The following NRG3 variants were observed in gnomAD, a reference collection of about 807,000 sequenced individuals.
NRG3 encodes the protein neuregulin 3, also known as pro-neuregulin-3, membrane-bound isoform.
A neutral mutation model predicts 66.9 loss-of-function variants in NRG3; 31 were observed. That is an observed-to-expected ratio of 0.46 (90% CI 0.35 to 0.63). The LOEUF is 0.63. Ranked by LOEUF, NRG3 falls within the 20% of genes least tolerant of loss-of-function variation. The pLI is 0.00. For missense variants in NRG3, 910 were observed against 878.9 expected, an observed-to-expected ratio of 1.04 and a Z score of -0.45; for synonymous variants, 393 against 359.4, an observed-to-expected ratio of 1.09 and a Z score of -1.06.
At chr10:82,307,002 T>A (rs2080774457) in intron 1 of NRG3, among the ~76,000 whole-genome samples, 1 of 152,156 alleles carries the variant, frequency 6.6e-6, no homozygotes, top group African/African-American at 2.4e-5. Context: ...CTTAATTTTT[T>A]AAATTCCTAG....
chr10:82,426,198 C>G (rs1447427046), intron 2 of NRG3, among the ~76,000 whole-genome samples: 3 of 152,126 alleles, frequency 2.0e-5, no homozygotes, highest in Admixed American at 6.6e-5. Flanking sequence ...GTTTTTCTCC[C>G]ATCTTCACTC....
intron 2 of NRG3, among the ~76,000 whole-genome samples, chr10:82,629,279 T>A (rs1222482594): frequency 6.6e-6 from 1 of 152,194 alleles, no homozygotes. Flanking sequence ...CATTAAGGGA[T>A]TCAAATACCT....
chr10:82,865,369 T>C, intron 3 of NRG3, 42 bp from the exon 4 acceptor site: 1 of 1,610,288 alleles, frequency 6.2e-7, no homozygotes, highest in South Asian at 1.1e-5. Context: ...AACCTTTTTC[T>C]CTTTTTCTCT....
chr10:82,746,713 A>G (rs1232183887), intron 3 of NRG3, among the ~76,000 whole-genome samples: 1 of 152,156 alleles, frequency 6.6e-6, no homozygotes, highest in Non-Finnish European at 1.5e-5. Context: ...TATTCATTAT[A>G]TTGACATCTT....
intron 4 of NRG3, among the ~76,000 whole-genome samples, chr10:82,892,344 G>C (rs758251092): frequency 3.9e-5 from 6 of 152,040 alleles, no homozygotes; most frequent in Non-Finnish European, 8.8e-5. Flanking sequence ...GGGCACAAGA[G>C]ATTCAAAGAG....
intron 2 of NRG3, among the ~76,000 whole-genome samples, chr10:82,526,630 G>A (rs1463793075): frequency 1.3e-5 from 2 of 151,850 alleles, no homozygotes; most frequent in Non-Finnish European, 2.9e-5. Context: ...TAGCCACAAA[G>A]CATTACTGGT....
intron 1 of NRG3, among the ~76,000 whole-genome samples, chr10:82,143,893 G>A (rs1267640397): frequency 1.3e-5 from 2 of 151,980 alleles, no homozygotes; most frequent in Non-Finnish European, 2.9e-5. Context: ...AGCAGGGCAT[G>A]GTGGTGCACA....
chr10:81,918,472 T>G (rs995745794), intron 1 of NRG3, among the ~76,000 whole-genome samples: 4 of 152,186 alleles, frequency 2.6e-5, no homozygotes, highest in Admixed American at 6.5e-5. Context: ...TTTTATCACG[T>G]ACAAAAGAAA....
chr10:82,897,906 G>T (rs976106230), intron 4 of NRG3, among the ~76,000 whole-genome samples: 4 of 152,164 alleles, frequency 2.6e-5, no homozygotes, highest in Non-Finnish European at 5.9e-5. Flanking sequence ...GTAGGTTAAA[G>T]ATACTGTAAT....
chr10:82,050,675 G>T (rs1467552474), intron 1 of NRG3, among the ~76,000 whole-genome samples: 2 of 151,692 alleles, frequency 1.3e-5, no homozygotes, highest in South Asian at 2.1e-4. Flanking sequence ...AGACATTTTG[G>T]TGGAAAGTGG....
At chr10:82,054,279 G>A (rs2063732637) in intron 1 of NRG3, among the ~76,000 whole-genome samples, 1 of 152,172 alleles carries the variant, frequency 6.6e-6, no homozygotes, top group Admixed American at 6.5e-5. Context: ...GAGAAATGAT[G>A]ACAGCTTAGA....
intron 4 of NRG3, among the ~76,000 whole-genome samples, chr10:82,921,484 G>A (rs1846417248): frequency 6.6e-6 from 1 of 152,132 alleles, no homozygotes; most frequent in Non-Finnish European, 1.5e-5. Context: ...CATTCATTGT[G>A]ACGAACGTAC....
chr10:82,304,385 A>G (rs1197280171), intron 1 of NRG3, among the ~76,000 whole-genome samples: 1 of 152,202 alleles, frequency 6.6e-6, no homozygotes, highest in Non-Finnish European at 1.5e-5. Context: ...TTAGAAACAT[A>G]AACTCTTTGC....
chr10:82,786,804 A>C (rs574035405), intron 3 of NRG3, among the ~76,000 whole-genome samples: 1 of 152,272 alleles, frequency 6.6e-6, no homozygotes, highest in South Asian at 2.1e-4. Context: ...CTCTGCTTTC[A>C]CGAGTAGGTT....
rs538618071 is a variant in NRG3 at position 82,724,791 on chromosome 10, T to A, written c.954-13786T>A. Among the ~76,000 whole-genome samples the A allele has an allele frequency of 1.3e-3, 203 of 152,316 alleles. 1 individual carries two copies. The highest frequency in any genetic ancestry group is 2.0e-3 in the Non-Finnish European group (136 of 68,026). The stretch of plus-strand genomic sequence containing the variant: ...AAGCATGCTGAGTGGTTTTATCAGT[T>A]GTTTGCTAATGAGCTCTGTCTCTCC... On this transcript the variant is annotated intron_variant, in intron 2 of 8. Coordinates refer to ENST00000372141, the MANE Select transcript of NRG3 (RefSeq NM_001010848.4).
chr10:82,391,993 C>CAAAAAAAAA (rs775895969), intron 2 of NRG3, among the ~76,000 whole-genome samples: 4 of 38,844 alleles, frequency 1.0e-4, no homozygotes, highest in South Asian at 8.3e-4. Flanking sequence ...CGAGCACATG[C>CAAAAAAAAA]AAAAAAAAAA....
At chr10:82,753,942 T>A (rs11195820) in intron 3 of NRG3, among the ~76,000 whole-genome samples, 3,650 of 137,002 alleles carry the variant, frequency 0.027, 75 homozygotes, top group Non-Finnish European at 0.038. Flanking sequence ...TGAGACTCCA[T>A]CTCAAAAAAA....
chr10:82,985,307 T>A lies in NRG3; in HGVS notation c.1793T>A (p.Ile598Asn). The change falls in exon 9 of 9, where the codon ATC (isoleucine) becomes AAC (asparagine). Residue 598 changes from isoleucine to asparagine, a missense_variant. Ile to Asn is a moderately radical substitution (Grantham distance 149). Coordinates refer to ENST00000372141, the MANE Select transcript of NRG3 (RefSeq NM_001010848.4). Reference sequence around the variant, plus strand: ...CCAGGGATTTCTGAAGTCAAAAGCATCAAATGGTGCAAAAACTCCTATTCA... The same window carrying A: ...CCAGGGATTTCTGAAGTCAAAAGCAACAAATGGTGCAAAAACTCCTATTCA... ...QMPGISEVKS[I>N]KWCKNSYSAD... is the part of the protein sequence containing the mutation. 6.2e-7 allele frequency: 1 copy of A among 1,614,094 alleles called. No homozygotes were observed. The highest frequency in any genetic ancestry group is 8.5e-7 in the Non-Finnish European group (1 of 1,180,000).
chr10:82,426,359 G>A (rs112659033), intron 2 of NRG3, among the ~76,000 whole-genome samples: 1 of 152,020 alleles, frequency 6.6e-6, no homozygotes, highest in African/African-American at 2.4e-5. Flanking sequence ...ATTTATGACT[G>A]TTGTTGTCTC....
Sources: allele counts gnomAD v4.1 joint callset (sites outside exome capture counted in the v4.1 genomes callset), GRCh38; gene constraint gnomAD v4.1.1; transcripts MANE v1.5; gene names NCBI Gene and HGNC (gene_info 2026-07-23, HGNC 2026-07-21).